The following AZIN1 variants were observed in gnomAD, a reference collection of about 807,000 sequenced individuals.
AZIN1 encodes ornithine decarboxylase antizyme inhibitor.
Under a neutral mutation model 47.4 loss-of-function variants are expected in AZIN1, and 12 were observed. The observed-to-expected ratio is 0.25, with a 90% CI of 0.16 to 0.41. The LOEUF is 0.41. AZIN1 is among the 10% of genes least tolerant of loss of function. The pLI is 1.00. For missense variants in AZIN1, 410 were observed against 532.4 expected (o/e 0.77, Z 2.26); for synonymous variants, 155 against 176.3 (o/e 0.88, Z 0.96).
In AZIN1 at chr8:102,826,870, C is replaced by G. The variant is rs980225470; in HGVS notation, c.*1697G>C. On this transcript the variant is annotated 3_prime_UTR_variant, in exon 12 of 12. Transcript: ENST00000337198. Reference sequence around the variant, plus strand: ...TAGCTTGGAATTTTGCATAAAACCCCATAATATACCTTGGAAAAGTCCAAG... The same window carrying G: ...TAGCTTGGAATTTTGCATAAAACCCGATAATATACCTTGGAAAAGTCCAAG... The G allele has an allele frequency of 2.6e-5, 4 of 152,494 alleles. No individual in the cohort carries two copies. The highest frequency in any genetic ancestry group is 9.7e-5 in the African/African-American group (4 of 41,390). 9.4% of individuals were successfully genotyped at this position (152,494 alleles called of 1,614,324 possible). A position where few individuals can be genotyped will look rare whatever the true frequency, so the allele number is the denominator to read the frequency against.
chr8:102,845,174 A>G (rs1029456334), intron 2 of AZIN1, among the ~76,000 whole-genome samples: 2 of 142,654 alleles, frequency 1.4e-5, no homozygotes, highest in Admixed American at 1.5e-4. Flanking sequence ...ACTAGAGTTC[A>G]CCCTTGGGTG....
intron 1 of AZIN1, among the ~76,000 whole-genome samples, chr8:102,858,881 C>T (rs1479137329): frequency 6.6e-6 from 1 of 152,176 alleles, no homozygotes; most frequent in Non-Finnish European, 1.5e-5. Context: ...GAGTTTTAGA[C>T]ATTGTTACCA....
chr8:102,835,817 C>CAAG (rs1811786901), intron 6 of AZIN1, among the ~76,000 whole-genome samples: 1 of 151,990 alleles, frequency 6.6e-6, no homozygotes, highest in Non-Finnish European at 1.5e-5. Context: ...AGTATTTGAA[C>CAAG]CTCTTGGAGT....
chr8:102,831,393 C>G (rs181438306), intron 9 of AZIN1, among the ~76,000 whole-genome samples: 225 of 151,602 alleles, frequency 1.5e-3, no homozygotes, highest in African/African-American at 5.4e-3. Context: ...TACAGAGTCT[C>G]TAATTTAAAC....
chr8:102,860,175 A>T (rs917940804), intron 1 of AZIN1, among the ~76,000 whole-genome samples: 4 of 152,258 alleles, frequency 2.6e-5, no homozygotes, highest in Non-Finnish European at 4.4e-5. Context: ...TGGTGTATGT[A>T]AACACTGCAA....
chr8:102,839,855 G>C lies in AZIN1; in HGVS notation c.103-32C>G, dbSNP rs199749598. 6 of 1,496,206 alleles carry C rather than the reference G, an allele frequency of 4.0e-6. No homozygotes were observed. The Admixed American group carries it at 1.3e-4, about 32-fold the overall frequency. 92.7% of individuals were successfully genotyped at this position (1,496,206 alleles called of 1,614,324 possible). On this transcript the variant is annotated intron_variant, in intron 3 of 11. Coordinates refer to ENST00000337198, the MANE Select transcript of AZIN1 (RefSeq NM_148174.4). ...TGGTTATAAAAAAAAAGACAAATAT[G>C]AACAAAAAACCATTGAAAATCAAGT...
At chr8:102,850,860 A>G (rs1812872502) in intron 2 of AZIN1, among the ~76,000 whole-genome samples, 1 of 152,210 alleles carries the variant, frequency 6.6e-6, no homozygotes, top group Non-Finnish European at 1.5e-5. Flanking sequence ...AATAGGAAAT[A>G]TATAAGGGGG....
intron 11 of AZIN1, 38 bp from the exon 12 acceptor site, chr8:102,828,716 G>A (rs1271581886): frequency 1.5e-6 from 2 of 1,348,108 alleles, no homozygotes; most frequent in Non-Finnish European, 2.1e-6. Context: ...CTCAGTTTAA[G>A]CCCAAAGACC....
intron 2 of AZIN1, among the ~76,000 whole-genome samples, chr8:102,845,146 C>T (rs111439056): frequency 0.022 from 3,354 of 151,566 alleles, 107 homozygotes; most frequent in African/African-American, 0.074. Flanking sequence ...CCCCCCTCCA[C>T]CCTCCCTAAT....
In AZIN1 at chr8:102,863,824, A is replaced by T. The variant is rs1323120359; in HGVS notation, c.-251T>A. On this transcript the variant is annotated 5_prime_UTR_variant, in exon 1 of 12. Transcript: ENST00000337198. The stretch of plus-strand genomic sequence containing the variant: ...GTACTCACGTGAGATAACGGCCCAA[A>T]GAGTCGGGTAAAGCGTCTTCTCTTT... The T allele has an allele frequency of 6.5e-6, 1 of 152,750 alleles. No individual in the cohort carries two copies. Among genetic ancestry groups the T allele is most frequent in the Non-Finnish European group, 1.5e-5 (1 of 68,114 alleles). The allele number at this position is 152,750 out of a possible 1,614,324, so 9.5% of individuals were successfully genotyped here.
intron 3 of AZIN1, among the ~76,000 whole-genome samples, chr8:102,841,544 TTGACCAATA>T (rs1812179231): frequency 6.6e-6 from 1 of 152,090 alleles, no homozygotes; most frequent in Non-Finnish European, 1.5e-5. Context: ...CAGAAATTGG[TTGACCAATA>T]TGACAAGTTT....
intron 3 of AZIN1, among the ~76,000 whole-genome samples, chr8:102,842,319 C>G (rs1812253542): frequency 6.6e-6 from 1 of 152,170 alleles, no homozygotes; most frequent in Non-Finnish European, 1.5e-5. Flanking sequence ...CCTGTTAATC[C>G]AACACTCTGG....
Position 102,829,773 on chromosome 8 carries a change from C to G in AZIN1, c.1020+48G>C, listed in dbSNP as rs200073413. On this transcript the variant is annotated intron_variant, in intron 10 of 11. Transcript: ENST00000337198. ...GGGAAGCATCTTAAAAATAACAGCT[C>G]AGCTTATAAAATGCCAAATAGGTTT... 5 of 1,357,532 alleles carry G rather than the reference C, an allele frequency of 3.7e-6. No individual in the cohort carries two copies. The Admixed American group carries it at 9.4e-5, about 26-fold the overall frequency. 84.1% of individuals were successfully genotyped at this position (1,357,532 alleles called of 1,614,324 possible).
chr8:102,858,710 G>A (rs913116091), intron 1 of AZIN1, among the ~76,000 whole-genome samples: 5 of 152,154 alleles, frequency 3.3e-5, no homozygotes, highest in Admixed American at 1.3e-4. Flanking sequence ...CATAACTTTT[G>A]AAAAACATAA....
chr8:102,831,038 T>A (rs1420973035), intron 9 of AZIN1, among the ~76,000 whole-genome samples: 4 of 152,194 alleles, frequency 2.6e-5, no homozygotes, highest in African/African-American at 9.7e-5. Context: ...TTTTCAGGTT[T>A]TTAAAATATC....
At chr8:102,861,931 G>C (rs1349812228) in intron 1 of AZIN1, among the ~76,000 whole-genome samples, 1 of 151,942 alleles carries the variant, frequency 6.6e-6, no homozygotes, top group African/African-American at 2.4e-5. Flanking sequence ...AGCTGCTCGG[G>C]AGGCTGAGGA....
At chr8:102,834,776 G>A in intron 6 of AZIN1, 29 bp from the exon 7 acceptor site, 1 of 1,526,184 alleles carries the variant, frequency 6.6e-7, no homozygotes, top group Non-Finnish European at 9.0e-7. Context: ...TAAATTTAAA[G>A]GAGCAGAAAG....
chr8:102,838,636 G>A (rs750936028), intron 5 of AZIN1, 108 bp downstream of exon 5: 10 of 827,738 alleles, frequency 1.2e-5, no homozygotes, highest in Non-Finnish European at 1.6e-5. Flanking sequence ...TTATAATTAT[G>A]ATACACATCA....
intron 2 of AZIN1, among the ~76,000 whole-genome samples, chr8:102,853,229 G>A (rs576826203): frequency 6.6e-6 from 1 of 152,362 alleles, no homozygotes; most frequent in African/African-American, 2.4e-5. Flanking sequence ...CTATGGTCGG[G>A]CGCAGTGGCG....
Sources: allele counts gnomAD v4.1 joint callset (sites outside exome capture counted in the v4.1 genomes callset), GRCh38; gene constraint gnomAD v4.1.1; transcripts MANE v1.5; gene names NCBI Gene and HGNC (gene_info 2026-07-23, HGNC 2026-07-21).